The following KAT7 variants were observed in gnomAD, a reference collection of about 807,000 sequenced individuals.
KAT7 encodes the protein histone acetyltransferase KAT7.
A neutral mutation model predicts 82.1 loss-of-function variants in KAT7; 10 were observed. The ratio of observed to expected loss-of-function variants is 0.12; its 90% CI spans 0.08 to 0.21. The LOEUF is 0.21. KAT7 is among the 10% of genes least tolerant of loss of function. KAT7 has a pLI of 1.00. For synonymous variants in KAT7, 250 were observed against 262.5 expected (o/e 0.95, Z 0.46); for missense variants, 378 against 760.9 (o/e 0.50, Z 5.92).
chr17:49,816,032 T>A, intron 8 of KAT7, 119 bp downstream of exon 8: 1 of 628,694 alleles, frequency 1.6e-6, no homozygotes, highest in South Asian at 2.0e-5. Context: ...GGAATCTCTT[T>A]CCCTGTCTCC....
intron 4 of KAT7, among the ~76,000 whole-genome samples, chr17:49,800,675 T>C (rs2074013496): frequency 6.6e-6 from 1 of 152,164 alleles, no homozygotes; most frequent in Admixed American, 6.5e-5. Context: ...GATACTGTTT[T>C]AAGTTATGAG....
At chr17:49,800,486 G>A (rs919641065) in intron 4 of KAT7, among the ~76,000 whole-genome samples, 14 of 152,300 alleles carry the variant, frequency 9.2e-5, no homozygotes, top group African/African-American at 3.4e-4. Flanking sequence ...TACACTAGTA[G>A]ATGATATGAT....
chr17:49,788,715 C>G lies in KAT7; in HGVS notation c.-120C>G, dbSNP rs1490592503. On this transcript the variant is annotated 5_prime_UTR_variant, in exon 1 of 15. Transcript: ENST00000259021. ...TCCAGACGCTGAGAGGCAGGAGGCACTAGGGATCGTCCGCAGGATTGGGAC... is the reference window on the plus strand; with the variant it reads ...TCCAGACGCTGAGAGGCAGGAGGCAGTAGGGATCGTCCGCAGGATTGGGAC... 19 of 1,127,190 alleles carry G rather than the reference C, an allele frequency of 1.7e-5. No homozygotes were observed. The highest frequency in any genetic ancestry group is 8.1e-5 in the African/African-American group (5 of 61,726). 69.8% of individuals were successfully genotyped at this position (1,127,190 alleles called of 1,614,324 possible).
chr17:49,815,942 C>T (rs1362700219), intron 8 of KAT7, 29 bp downstream of exon 8: 1 of 1,386,736 alleles, frequency 7.2e-7, no homozygotes, highest in Non-Finnish European at 1.0e-6. Flanking sequence ...AAACTGAAGG[C>T]CGCTTGTGAA....
intron 9 of KAT7, among the ~76,000 whole-genome samples, chr17:49,819,494 T>C (rs1352408106): frequency 6.6e-6 from 1 of 152,224 alleles, no homozygotes; most frequent in Non-Finnish European, 1.5e-5. Context: ...TTTATGCCTT[T>C]TTTCCTTTTC....
Position 49,833,189 on chromosome 17 carries a change from A to C in KAT7, c.*5687A>C, listed in dbSNP as rs2074438216. 6.6e-6 allele frequency: 1 copy of C among 152,242 alleles called. No homozygotes were observed. The highest frequency in any genetic ancestry group is 1.5e-5 in the Non-Finnish European group (1 of 68,040). 9.4% of individuals were successfully genotyped at this position (152,242 alleles called of 1,614,324 possible). A position where few individuals can be genotyped will look rare whatever the true frequency, so the allele number is the denominator to read the frequency against. On this transcript the variant is annotated 3_prime_UTR_variant, in exon 15 of 15. Coordinates refer to ENST00000259021, the MANE Select transcript of KAT7 (RefSeq NM_007067.5). Reference sequence around the variant, plus strand: ...GTTTACTTGTGCCCAAGAATGGAGAAAATAACCTGTACTATTGTACAACTC... The same window carrying C: ...GTTTACTTGTGCCCAAGAATGGAGACAATAACCTGTACTATTGTACAACTC...
intron 8 of KAT7, among the ~76,000 whole-genome samples, chr17:49,817,463 TA>T (rs2074248297): frequency 6.6e-6 from 1 of 152,226 alleles, no homozygotes; most frequent in African/African-American, 2.4e-5. Context: ...CACACACTTT[TA>T]AAAACAAAGA....
chr17:49,827,086 G>A (rs1567867041), intron 14 of KAT7: 2 of 441,572 alleles, frequency 4.5e-6, no homozygotes, highest in South Asian at 3.6e-5. Context: ...TTCTTAGGTG[G>A]GAGGAAATTG....
chr17:49,802,121 A>G (rs1451971137), intron 4 of KAT7, among the ~76,000 whole-genome samples: 1 of 152,172 alleles, frequency 6.6e-6, no homozygotes, highest in Admixed American at 6.5e-5. Context: ...ATTTCATTAT[A>G]TTGATAGTTT....
chr17:49,813,236 C>G (rs2143936138), intron 7 of KAT7, among the ~76,000 whole-genome samples: 1 of 152,010 alleles, frequency 6.6e-6, no homozygotes, highest in South Asian at 2.1e-4. Flanking sequence ...CCCTCTGTAC[C>G]CAGTGGTTAG....
At position 49,788,682 on chromosome 17, in the gene KAT7, C is replaced by G; in HGVS notation, c.-153C>G. On this transcript the variant is annotated 5_prime_UTR_variant, in exon 1 of 15. Transcript: ENST00000259021. Reference sequence around the variant, plus strand: ...AGCGCTTCAGCCCGCGGCGCCTGCGCAGAACGCTCCAGACGCTGAGAGGCA... The same window carrying G: ...AGCGCTTCAGCCCGCGGCGCCTGCGGAGAACGCTCCAGACGCTGAGAGGCA... The G allele has an allele frequency of 2.5e-6, 2 of 793,536 alleles. No individual in the cohort carries two copies. The highest frequency in any genetic ancestry group is 1.9e-6 in the Non-Finnish European group (1 of 530,818). 49.2% of individuals were successfully genotyped at this position (793,536 alleles called of 1,614,324 possible).
At chr17:49,810,021 T>A (rs950387264) in intron 6 of KAT7, among the ~76,000 whole-genome samples, 15 of 152,244 alleles carry the variant, frequency 9.9e-5, no homozygotes, top group Non-Finnish European at 2.1e-4. Flanking sequence ...AGTTTGACTT[T>A]GGAGCCAAAC....
rs753306936 is a variant in KAT7 at position 49,805,226 on chromosome 17, A to ATGT, written c.581-135_581-133dup. 33 of 611,104 alleles carry ATGT rather than the reference A, an allele frequency of 5.4e-5. 1 individual carries two copies. Among genetic ancestry groups the ATGT allele is most frequent in the East Asian group, 2.3e-4 (8 of 35,546 alleles). 37.9% of individuals were successfully genotyped at this position (611,104 alleles called of 1,614,324 possible). A position where few individuals can be genotyped will look rare whatever the true frequency, so the allele number is the denominator to read the frequency against. On this transcript the variant is annotated intron_variant, in intron 4 of 14. Transcript: ENST00000259021. Reference sequence around the variant, plus strand: ...TGTAAGTTATAGCCCTACCAGCCTTATGTTTGGTGGATTCAGTCTGATCAG... The same window carrying ATGT: ...TGTAAGTTATAGCCCTACCAGCCTTATGTTGTTTGGTGGATTCAGTCTGATCAG...
chr17:49,821,293 T>C (rs760811042), intron 9 of KAT7, 44 bp from the exon 10 acceptor site: 1 of 1,447,184 alleles, frequency 6.9e-7, no homozygotes, highest in South Asian at 1.2e-5. Context: ...AGCAGTCTTG[T>C]TGGGAGGCTT....
intron 12 of KAT7, chr17:49,823,539 T>G: frequency 2.4e-6 from 1 of 409,512 alleles, no homozygotes; most frequent in Non-Finnish European, 4.4e-6. Flanking sequence ...AAGTAAGCTC[T>G]TTAGGATTAT....
At chr17:49,794,095 G>A (rs932937972) in intron 2 of KAT7, among the ~76,000 whole-genome samples, 4 of 152,128 alleles carry the variant, frequency 2.6e-5, no homozygotes, top group African/African-American at 4.8e-5. Context: ...AGTATGTTAT[G>A]TACTAGGAAC....
At chr17:49,823,102 C>A in intron 11 of KAT7, 100 bp from the exon 12 acceptor site, 2 of 713,704 alleles carry the variant, frequency 2.8e-6, no homozygotes, top group South Asian at 1.6e-5. Flanking sequence ...ACTGGTTAGC[C>A]AGATGTTTTG....
At chr17:49,793,693 C>G (rs2073918075) in intron 2 of KAT7, among the ~76,000 whole-genome samples, 1 of 151,710 alleles carries the variant, frequency 6.6e-6, no homozygotes. Context: ...CCTGCCTCAG[C>G]CTGCAAGTAG....
At chr17:49,801,823 G>C (rs1269265001) in intron 4 of KAT7, among the ~76,000 whole-genome samples, 1 of 151,776 alleles carries the variant, frequency 6.6e-6, no homozygotes, top group Non-Finnish European at 1.5e-5. Context: ...TATTCCTTAA[G>C]AGTTTTATGT....
Sources: gnomAD v4.1 joint callset for allele counts (sites outside exome capture counted in the v4.1 genomes callset) on GRCh38, gnomAD v4.1.1 for gene constraint, MANE v1.5 for transcripts, NCBI Gene and HGNC (gene_info 2026-07-23, HGNC 2026-07-21) for gene names.